SHPRH: variants seen among roughly 807,000 people sequenced by gnomAD.
SHPRH encodes E3 ubiquitin-protein ligase SHPRH.
A neutral mutation model predicts 202.5 loss-of-function variants in SHPRH; 106 were observed. The ratio of observed to expected loss-of-function variants is 0.52; its 90% confidence interval spans 0.45 to 0.62. The LOEUF is 0.62. Ranked by LOEUF, SHPRH falls within the 20% of genes least tolerant of loss-of-function variation. The pLI is 0.00. For missense variants in SHPRH, 1,710 were observed against 2,020.0 expected, an observed-to-expected ratio of 0.85 and a Z score of 2.94; for synonymous variants, 729 against 686.0, an observed-to-expected ratio of 1.06 and a Z score of -0.98.
At chr6:145,949,343 A>G (rs1263299294) in intron 4 of SHPRH, among the ~76,000 whole-genome samples, 1 of 152,080 alleles carries the variant, frequency 6.6e-6, no homozygotes. Context: ...GGATAAAGAA[A>G]ATGTGTGTGG....
rs1385638342 is a variant in SHPRH at position 145,927,277 on chromosome 6, C to T, written c.3113G>A (p.Gly1038Asp). ...CAATTCTGCTGCCAAGGCATACTCA[C>T]CTAAAGAATTAAAATGTATTTAAAG... ...NGLAGIHIIK[G>D]EYALAAELYR... The change falls in exon 15 of 30, where the codon GGT becomes GAT. Residue 1038 changes from glycine (G) to aspartate (D), a missense_variant and splice_region_variant. Gly to Asp is a moderately conservative substitution (Grantham distance 94). This residue lies in a region of SHPRH where 288 missense variants were observed against 317.8 expected (regional missense o/e 0.91). Coordinates refer to ENST00000275233, the MANE Select transcript of SHPRH (RefSeq NM_001042683.3). 5.6e-6 allele frequency: 9 copies of T among 1,610,528 alleles called. No homozygotes were observed. In the East Asian group the frequency reaches 1.1e-4, roughly 20 times the overall value.
At chr6:145,888,904 A>T (rs1290055263) in intron 28 of SHPRH, among the ~76,000 whole-genome samples, 2 of 152,184 alleles carry the variant, frequency 1.3e-5, no homozygotes, top group Non-Finnish European at 2.9e-5. Flanking sequence ...GTGAGATGTG[A>T]AAAGAAAAAT....
intron 25 of SHPRH, among the ~76,000 whole-genome samples, chr6:145,900,893 G>A (rs1782448822): frequency 6.6e-6 from 1 of 151,902 alleles, no homozygotes; most frequent in African/African-American, 2.4e-5. Context: ...TTTATCCGTG[G>A]TTAACTGAAT....
At position 145,945,445 on chromosome 6, in the gene SHPRH, GA is replaced by G. The variant is rs1347992628; in HGVS notation, c.1513del (p.Ser505LeufsTer24). 2.5e-6 allele frequency: 4 copies of G among 1,612,888 alleles called. No individual in the cohort carries two copies. In the Admixed American group the frequency reaches 6.7e-5, roughly 27 times the overall value. On this transcript the variant is annotated frameshift_variant, in exon 8 of 30. Coordinates refer to ENST00000275233, the MANE Select transcript of SHPRH (RefSeq NM_001042683.3). LOFTEE classifies it high-confidence loss of function. The stretch of plus-strand genomic sequence containing the variant: ...ATTCTTTCCCAATGTAAAAGTCCCA[GA>G]AAAACCATGGCCTTTGATCTGTTTC... ...LVKQIKGHGFSGTFTLGKNYK... is the reference protein window; with the variant it reads ...LVKQIKGHGFXGTFTLGKNYK...
At chr6:145,870,809 G>A (rs1439167560) in intron 2 of SHPRH, 3 of 152,146 alleles carry the variant, frequency 2.0e-5, no homozygotes, top group African/African-American at 7.2e-5. Flanking sequence ...CCTTTATCAG[G>A]TTGAGGAAGT....
At chr6:145,918,500 C>G (rs1784145616) in intron 22 of SHPRH, 1 of 211,700 alleles carries the variant, frequency 4.7e-6, no homozygotes, top group South Asian at 1.5e-4. Flanking sequence ...AAAATAAACT[C>G]AAATTCTATT....
At chr6:145,896,403 G>A (rs1314560995) in intron 25 of SHPRH, among the ~76,000 whole-genome samples, 1 of 152,028 alleles carries the variant, frequency 6.6e-6, no homozygotes, top group South Asian at 2.1e-4. Flanking sequence ...TGAAATACCA[G>A]GAAAACTATG....
chr6:145,874,450 C>A (rs1385230289), intron 2 of SHPRH, among the ~76,000 whole-genome samples: 1 of 151,984 alleles, frequency 6.6e-6, no homozygotes, highest in East Asian at 1.9e-4. Flanking sequence ...TGCAAACTCT[C>A]TGTTAATGAC....
intron 8 of SHPRH, among the ~76,000 whole-genome samples, chr6:145,944,984 C>T (rs1465883706): frequency 6.6e-6 from 1 of 152,062 alleles, no homozygotes; most frequent in Admixed American, 6.5e-5. Flanking sequence ...CAGCTTGGCA[C>T]AGGAGTTCAA....
intron 23 of SHPRH, among the ~76,000 whole-genome samples, chr6:145,915,958 C>G (rs1383102372): frequency 6.6e-6 from 1 of 152,040 alleles, no homozygotes; most frequent in Admixed American, 6.6e-5. Flanking sequence ...ACTTCAATTA[C>G]AAGTATGCTA....
intron 14 of SHPRH, among the ~76,000 whole-genome samples, chr6:145,928,539 T>C (rs994790376): frequency 3.3e-5 from 5 of 151,932 alleles, no homozygotes; most frequent in Non-Finnish European, 2.9e-5. Flanking sequence ...ATGAGATATA[T>C]ATATATATGC....
At chr6:145,876,267 A>G (rs1055102617) in intron 2 of SHPRH, among the ~76,000 whole-genome samples, 1 of 149,072 alleles carries the variant, frequency 6.7e-6, no homozygotes, top group African/African-American at 2.4e-5. Context: ...CAGCTACTTG[A>G]GGAGGCCAAG....
chr6:145,961,642 A>G (rs188852334), intron 1 of SHPRH, among the ~76,000 whole-genome samples: 1 of 152,038 alleles, frequency 6.6e-6, no homozygotes, highest in Non-Finnish European at 1.5e-5. Flanking sequence ...TAATTTGCAC[A>G]TTCCTTCAGA....
At chr6:145,917,250 C>A (rs1334248295) in intron 23 of SHPRH, 1 of 152,088 alleles carries the variant, frequency 6.6e-6, no homozygotes, top group Non-Finnish European at 1.5e-5. Flanking sequence ...TTCACACAAT[C>A]CTCAAGACAG....
At chr6:145,861,932 C>T (rs1195899211), downstream of SHPRH, among the ~76,000 whole-genome samples, 2 of 152,024 alleles carry the variant, frequency 1.3e-5, no homozygotes, top group African/African-American at 4.8e-5. Flanking sequence ...AGCATGATCT[C>T]ACTGATATGT....
chr6:145,938,096 A>G (rs1786312950), intron 11 of SHPRH, among the ~76,000 whole-genome samples: 1 of 152,150 alleles, frequency 6.6e-6, no homozygotes, highest in African/African-American at 2.4e-5. Flanking sequence ...ATCCCCCAAA[A>G]GTTCACGTGT....
chr6:145,915,524 CT>C (rs961937286), intron 23 of SHPRH, among the ~76,000 whole-genome samples: 1 of 151,704 alleles, frequency 6.6e-6, no homozygotes, highest in Non-Finnish European at 1.5e-5. Flanking sequence ...CCTTATTTCA[CT>C]TTTTTTAAAA....
chr6:145,955,521 G>A (rs983735634), intron 1 of SHPRH, among the ~76,000 whole-genome samples, 167 bp from the exon 2 acceptor site: 1 of 152,064 alleles, frequency 6.6e-6, no homozygotes, highest in Non-Finnish European at 1.5e-5. Context: ...TATGACTAAG[G>A]AATGAACATA....
intron 25 of SHPRH, among the ~76,000 whole-genome samples, chr6:145,896,712 A>G (rs1782042453): frequency 1.3e-5 from 2 of 152,080 alleles, no homozygotes; most frequent in Non-Finnish European, 2.9e-5. Context: ...CTTCTCTGAC[A>G]ATGGAATGAA....
Sources: allele counts gnomAD v4.1 joint callset (sites outside exome capture counted in the v4.1 genomes callset), GRCh38; gene constraint gnomAD v4.1.1; regional missense constraint gnomAD v4.1.1; transcripts MANE v1.5; gene names NCBI Gene and HGNC (gene_info 2026-07-23, HGNC 2026-07-21).